Variants in NMT1 observed in about 807,000 individuals in gnomAD.
NMT1 encodes N-myristoyltransferase 1.
Under a neutral mutation model 63.4 loss-of-function variants are expected in NMT1, and 12 were observed. The ratio of observed to expected loss-of-function variants is 0.19; its 90% confidence interval spans 0.12 to 0.31. The LOEUF is 0.31. Among genes scored for constraint, NMT1 ranks in the 10% least tolerant of loss-of-function variants. The probability of loss-of-function intolerance (pLI) is 1.00; values close to 1 mark genes in which losing one functional copy is unlikely to be tolerated. For synonymous variants in NMT1, 228 were observed against 234.3 expected, an observed-to-expected ratio of 0.97 and a Z score of 0.25; for missense variants, 432 against 634.6, an observed-to-expected ratio of 0.68 and a Z score of 3.43.
intron 4 of NMT1, 57 bp from the exon 5 acceptor site, chr17:45,096,137 G>A (rs1324851060): frequency 2.4e-6 from 3 of 1,253,622 alleles, no homozygotes; most frequent in Non-Finnish European, 2.3e-6. Context: ...CCAGGGTATT[G>A]GAGTTGGTCT....
At chr17:45,096,314 T>C in intron 5 of NMT1, 29 bp downstream of exon 5, 1 of 1,573,268 alleles carries the variant, frequency 6.4e-7, no homozygotes, top group Non-Finnish European at 8.8e-7. Flanking sequence ...CTTGAGGTTC[T>C]TGAGAGGAAG....
rs769028747 is a variant in NMT1 at position 45,105,680 on chromosome 17, C to T, written c.*41C>T. The T allele has an allele frequency of 8.7e-6, 14 of 1,600,666 alleles. No homozygotes were observed. In the African/African-American group the frequency reaches 9.4e-5, roughly 11 times the overall value. Reference sequence around the variant, plus strand: ...ATTCTGGATAAAGCCACTGAAAATTCGAACCAGGAAATGGAACCCCACCAC... The same window carrying T: ...ATTCTGGATAAAGCCACTGAAAATTTGAACCAGGAAATGGAACCCCACCAC... On this transcript the variant is annotated 3_prime_UTR_variant, in exon 12 of 12. Transcript: ENST00000258960. This position sits in a 1 kb window ranked among gnomAD's most constrained non-coding sequence, Gnocchi z 4.2.
Position 45,098,555 on chromosome 17 carries a change from A to G in NMT1, c.884+3A>G. The G allele has an allele frequency of 6.2e-7, 1 of 1,613,402 alleles. No individual in the cohort carries two copies. Among genetic ancestry groups the G allele is most frequent in the Non-Finnish European group, 8.5e-7 (1 of 1,179,676 alleles). On this transcript the variant is annotated splice_donor_region_variant and intron_variant, in intron 7 of 11. Transcript: ENST00000258960. ...CCAAAGCCCGTTGGCACCTGCAGGTAAAACTGTCTTCCTGTAAGGCCCCAA... is the reference window on the plus strand; with the variant it reads ...CCAAAGCCCGTTGGCACCTGCAGGTGAAACTGTCTTCCTGTAAGGCCCCAA...
intron 1 of NMT1, among the ~76,000 whole-genome samples, chr17:45,070,255 T>TTGTGTG (rs56797954): frequency 6.6e-6 from 1 of 150,736 alleles, no homozygotes; most frequent in Non-Finnish European, 1.5e-5. Context: ...GTACCTTTTT[T>TTGTGTG]TGTGTGTGTG....
chr17:45,064,370 G>A (rs948077487), intron 1 of NMT1, among the ~76,000 whole-genome samples: 1 of 152,110 alleles, frequency 6.6e-6, no homozygotes. Context: ...AAAACCAAGG[G>A]CCTAGTCTGG....
chr17:45,061,629 G>T, intron 1 of NMT1, 169 bp downstream of exon 1: 1 of 605,422 alleles, frequency 1.7e-6, no homozygotes, highest in South Asian at 2.1e-5. Context: ...TTTACCAAGG[G>T]TGGGTGCTCT....
intron 4 of NMT1, among the ~76,000 whole-genome samples, chr17:45,094,479 C>T (rs1026787271): frequency 6.2e-5 from 9 of 146,286 alleles, no homozygotes; most frequent in East Asian, 2.1e-4. Flanking sequence ...GGTGACAGTG[C>T]GAGACTCTTT....
intron 2 of NMT1, among the ~76,000 whole-genome samples, chr17:45,084,392 T>C (rs753490310): frequency 1.3e-5 from 2 of 148,634 alleles, no homozygotes; most frequent in Non-Finnish European, 3.0e-5. Flanking sequence ...TAGAGTGCAG[T>C]GGCGCAGTCT....
intron 1 of NMT1, among the ~76,000 whole-genome samples, chr17:45,069,267 T>A (rs1314419863): frequency 7.3e-6 from 1 of 137,010 alleles, no homozygotes. Flanking sequence ...CCAGACTTTA[T>A]TTTTTATTAT....
intron 3 of NMT1, among the ~76,000 whole-genome samples, chr17:45,088,820 C>T (rs1006388864): frequency 1.3e-5 from 2 of 151,930 alleles, no homozygotes; most frequent in Non-Finnish European, 2.9e-5. Context: ...TCCTCTTCAG[C>T]CCAGCATACT....
intron 1 of NMT1, among the ~76,000 whole-genome samples, chr17:45,063,327 T>C (rs1397280648): frequency 2.0e-5 from 3 of 152,080 alleles, no homozygotes; most frequent in Admixed American, 6.6e-5. Flanking sequence ...GTAATAAAAG[T>C]CTTCTTTTGA....
chr17:45,079,482 A>G (rs2053999442), intron 1 of NMT1, among the ~76,000 whole-genome samples: 1 of 152,202 alleles, frequency 6.6e-6, no homozygotes, highest in Non-Finnish European at 1.5e-5. Flanking sequence ...AGTTCAAGGC[A>G]GCAGGATCAC....
At chr17:45,093,049 A>G (rs916252248) in intron 3 of NMT1, among the ~76,000 whole-genome samples, 4 of 152,198 alleles carry the variant, frequency 2.6e-5, no homozygotes, top group East Asian at 1.9e-4. Context: ...GGAGGGGCCT[A>G]TCCTGCTCAG....
chr17:45,093,362 C>G (rs2054101835), intron 3 of NMT1, among the ~76,000 whole-genome samples: 1 of 152,244 alleles, frequency 6.6e-6, no homozygotes, highest in Admixed American at 6.5e-5. Flanking sequence ...TGACAGCACT[C>G]TTTACACCAA....
rs540872062 is a variant in NMT1 at position 45,103,602 on chromosome 17, C to G, written c.1165-107C>G. 8.8e-5 allele frequency: 102 copies of G among 1,155,700 alleles called. No homozygotes were observed. The Middle Eastern group carries it at 2.0e-3, about 22-fold the overall frequency. The allele number at this position is 1,155,700 out of a possible 1,614,324, so 71.6% of individuals were successfully genotyped here. On this transcript the variant is annotated intron_variant, in intron 9 of 11. Coordinates refer to ENST00000258960, the MANE Select transcript of NMT1 (RefSeq NM_021079.5). This position sits in a 1 kb window ranked among gnomAD's most constrained non-coding sequence, Gnocchi z 4.8. ...CCTGTTGCAGTTTCCAGCCATTTATCTAGAGGGGCAGAGCTGCCTGAAGGT... is the reference window on the plus strand; with the variant it reads ...CCTGTTGCAGTTTCCAGCCATTTATGTAGAGGGGCAGAGCTGCCTGAAGGT...
At chr17:45,089,157 C>G (rs1028805054) in intron 3 of NMT1, among the ~76,000 whole-genome samples, 2 of 152,226 alleles carry the variant, frequency 1.3e-5, no homozygotes, top group African/African-American at 4.8e-5. Context: ...CACCCTAGTT[C>G]TGAGTTTTCT....
At chr17:45,076,196 T>C (rs188547526) in intron 1 of NMT1, among the ~76,000 whole-genome samples, 161 of 152,314 alleles carry the variant, frequency 1.1e-3, no homozygotes, top group African/African-American at 3.7e-3. Flanking sequence ...GCCATTCTTC[T>C]GTGAAGTGGC....
chr17:45,080,215 C>T (rs2054007051), intron 1 of NMT1, among the ~76,000 whole-genome samples: 2 of 151,664 alleles, frequency 1.3e-5, no homozygotes, highest in South Asian at 4.2e-4. Context: ...GGCTGGAGTG[C>T]CGTGGCGCGA....
intron 6 of NMT1, among the ~76,000 whole-genome samples, chr17:45,097,771 A>G (rs1482964584): frequency 1.3e-5 from 2 of 152,150 alleles, no homozygotes; most frequent in African/African-American, 4.8e-5. Flanking sequence ...CAGCCTCCCA[A>G]GTAGCTGGGA....
Sources: gnomAD v4.1 joint callset for allele counts (sites outside exome capture counted in the v4.1 genomes callset) on GRCh38, gnomAD v4.1.1 for gene constraint, Gnocchi (gnomAD v3.1) non-coding constraint, MANE v1.5 for transcripts, NCBI Gene and HGNC (gene_info 2026-07-23, HGNC 2026-07-21) for gene names.